Variants in PTPRC observed in about 807,000 individuals in gnomAD.
PTPRC encodes protein tyrosine phosphatase receptor type C.
PTPRC carries 44 observed loss-of-function variants against 155.9 expected under a neutral mutation model. The observed-to-expected ratio is 0.28, with a 90% CI of 0.22 to 0.36. PTPRC has a LOEUF of 0.36. Among genes scored for constraint, PTPRC ranks in the 10% least tolerant of loss-of-function variants. PTPRC has a pLI of 1.00. For synonymous variants in PTPRC, 525 were observed against 533.1 expected (o/e 0.98, Z 0.21); for missense variants, 1,401 against 1,564.6 (o/e 0.90, Z 1.76).
intron 2 of PTPRC, among the ~76,000 whole-genome samples, chr1:198,662,929 A>G (rs1473688836): frequency 6.6e-6 from 1 of 152,122 alleles, no homozygotes; most frequent in Non-Finnish European, 1.5e-5. Context: ...TCTGCAGTTG[A>G]TGTAACTGTG....
At chr1:198,694,605 A>C (rs966145603) in intron 3 of PTPRC, 1 of 986,044 alleles carries the variant, frequency 1.0e-6, no homozygotes, top group Admixed American at 6.1e-5. Flanking sequence ...CATTGGAAGC[A>C]GGCAGACACC....
Position 198,752,614 on chromosome 1 carries a change from G to C in PTPRC, c.3351G>C (p.Val1117=). The part of the protein sequence containing the change: ...RHSKRKDSRT[V]YQYQYTNWSV... ...TTTAGAGGAAAGACTCTCGAACTGT[G>C]TACCAGTACCAATATACAAACTGGA... Residue 1117 remains valine (V), a synonymous_variant, in exon 31 of 33, where the codon GTG becomes GTC. Transcript: ENST00000442510. The C allele has an allele frequency of 1.2e-6, 2 of 1,612,502 alleles. No individual in the cohort carries two copies. The highest frequency in any genetic ancestry group is 1.7e-6 in the Non-Finnish European group (2 of 1,179,096).
chr1:198,743,149 G>C (rs186822678), intron 25 of PTPRC, among the ~76,000 whole-genome samples: 1 of 150,118 alleles, frequency 6.7e-6, no homozygotes, highest in South Asian at 2.1e-4. Flanking sequence ...AGGGGAATAG[G>C]AAGACAAAAT....
At chr1:198,650,488 A>G (rs1031108633) in intron 2 of PTPRC, among the ~76,000 whole-genome samples, 2 of 151,862 alleles carry the variant, frequency 1.3e-5, no homozygotes, top group Non-Finnish European at 2.9e-5. Flanking sequence ...GGAAAAGACA[A>G]AGACATTTTA....
At chr1:198,692,251 C>T in intron 2 of PTPRC, 96 bp from the exon 3 acceptor site, 1 of 899,496 alleles carries the variant, frequency 1.1e-6, no homozygotes, top group Non-Finnish European at 1.6e-6. Context: ...AATGTTCTAT[C>T]ATAGACTTGA....
intron 15 of PTPRC, among the ~76,000 whole-genome samples, chr1:198,723,560 A>G (rs72738066): frequency 0.013 from 2,045 of 152,280 alleles, 23 homozygotes; most frequent in Non-Finnish European, 0.016. Context: ...TTTTTCTTTT[A>G]TAATATCTTT....
rs1665997426 is a variant in PTPRC at position 198,692,770 on chromosome 1, C to T, written c.100+397C>T. On this transcript the variant is annotated intron_variant, in intron 3 of 32. Coordinates refer to ENST00000442510, the MANE Select transcript of PTPRC (RefSeq NM_002838.5). ...TATAGATATGTAGATAACAGATTTGCATATGTCTATATTTCTTTAAGAGTA... is the reference window on the plus strand; with the variant it reads ...TATAGATATGTAGATAACAGATTTGTATATGTCTATATTTCTTTAAGAGTA... 3.3e-6 allele frequency: 3 copies of T among 918,104 alleles called. No individual in the cohort carries two copies. In the African/African-American group the frequency reaches 5.4e-5, roughly 17 times the overall value. The allele number at this position is 918,104 out of a possible 1,614,324, so 56.9% of individuals were successfully genotyped here.
At chr1:198,693,001 C>T in intron 3 of PTPRC, 3 of 936,020 alleles carry the variant, frequency 3.2e-6, no homozygotes, top group Non-Finnish European at 3.8e-6. Flanking sequence ...GGTTAAATAT[C>T]ACATCACTTA....
chr1:198,691,923 G>A (rs546306602), intron 2 of PTPRC, among the ~76,000 whole-genome samples: 2 of 152,116 alleles, frequency 1.3e-5, no homozygotes, highest in African/African-American at 4.8e-5. Context: ...TGAGGGCAGG[G>A]AATTTTTATA....
At position 198,683,488 on chromosome 1, in the gene PTPRC, T is replaced by C. The variant is rs945099760; in HGVS notation, c.74-8859T>C. Among the ~76,000 whole-genome samples the C allele has an allele frequency of 9.9e-5, 15 of 152,210 alleles. No homozygotes were observed. The East Asian group carries it at 2.9e-3, about 29-fold the overall frequency. On this transcript the variant is annotated intron_variant, in intron 2 of 32. Transcript: ENST00000442510. The stretch of plus-strand genomic sequence containing the variant: ...GATTTAGGTAAATGAAAACAGACAT[T>C]TTCATAAGAAGCAAAAAGATAATTA...
At chr1:198,745,776 G>T (rs767253332) in intron 26 of PTPRC, among the ~76,000 whole-genome samples, 1 of 151,626 alleles carries the variant, frequency 6.6e-6, no homozygotes, top group East Asian at 2.0e-4. Flanking sequence ...CGAGTTGAGG[G>T]TGTTTACAAA....
chr1:198,708,135 G>T lies in PTPRC; in HGVS notation c.907G>T (p.Val303Phe). 1 of 1,602,784 alleles carries T rather than the reference G, an allele frequency of 6.2e-7. No individual in the cohort carries two copies. Among genetic ancestry groups the T allele is most frequent in the Non-Finnish European group, 8.5e-7 (1 of 1,170,770 alleles). ...KTLILDVPPG[V>F]EKFQLHDCTQ... ...TTATTTCTGTATCTTCTTGTCAGGGGTTGAAAAGTTTCAGTTACATGATTG... is the reference window on the plus strand; with the variant it reads ...TTATTTCTGTATCTTCTTGTCAGGGTTTGAAAAGTTTCAGTTACATGATTG... The change falls in exon 10 of 33, where the codon GTT becomes TTT. Residue 303 changes from valine to phenylalanine, a missense_variant and splice_region_variant. Around this residue, in one of 3 missense-constraint regions of PTPRC, gnomAD observed 867 missense variants for 970.4 expected, o/e 0.89. Transcript: ENST00000442510.
Position 198,716,859 on chromosome 1 carries a change from T to A in PTPRC, c.1450+19T>A, listed in dbSNP as rs955182625. On this transcript the variant is annotated intron_variant, in intron 13 of 32. Coordinates refer to ENST00000442510, the MANE Select transcript of PTPRC (RefSeq NM_002838.5). Reference sequence around the variant, plus strand: ...AGTGCTCGTAAGTTATATGTTTTAATGCTTCTTTCCATAAATGGTAAAAAG... The same window carrying A: ...AGTGCTCGTAAGTTATATGTTTTAAAGCTTCTTTCCATAAATGGTAAAAAG... 1 of 1,611,054 alleles carries A rather than the reference T, an allele frequency of 6.2e-7. No individual in the cohort carries two copies. Among genetic ancestry groups the A allele is most frequent in the Non-Finnish European group, 8.5e-7 (1 of 1,178,244 alleles).
rs971810773 is a variant in PTPRC, at chr1:198,756,154, A to T, written c.3894A>T (p.Ala1298=). ...EGPEHSVNGP[A]SPALNQGS The stretch of plus-strand genomic sequence containing the variant: ...CAGAACATTCTGTCAATGGTCCTGC[A>T]AGTCCAGCTTTAAATCAAGGTTCAT... Residue 1298 remains alanine, a synonymous_variant, in exon 33 of 33, where the codon GCA becomes GCT. Transcript: ENST00000442510. The T allele has an allele frequency of 3.7e-5, 60 of 1,613,326 alleles. No homozygotes were observed. Among genetic ancestry groups the T allele is most frequent in the Non-Finnish European group, 4.9e-5 (58 of 1,179,604 alleles).
At chr1:198,645,088 G>T (rs1270190905) in intron 2 of PTPRC, among the ~76,000 whole-genome samples, 1 of 151,802 alleles carries the variant, frequency 6.6e-6, no homozygotes, top group Non-Finnish European at 1.5e-5. Flanking sequence ...TAATGTAGGA[G>T]TAGAAGGCAA....
chr1:198,746,696 G>T (rs1162986733), intron 26 of PTPRC, among the ~76,000 whole-genome samples: 1 of 151,812 alleles, frequency 6.6e-6, no homozygotes, highest in Non-Finnish European at 1.5e-5. Context: ...AACAGGTAGA[G>T]ATTTAAGAGT....
chr1:198,736,681 T>G (rs564835013), intron 23 of PTPRC, among the ~76,000 whole-genome samples: 1 of 151,846 alleles, frequency 6.6e-6, no homozygotes, highest in African/African-American at 2.4e-5. Context: ...ATCTACTGTT[T>G]CCTTTCTTTG....
At chr1:198,656,964 A>G (rs1402279369) in intron 2 of PTPRC, among the ~76,000 whole-genome samples, 1 of 151,614 alleles carries the variant, frequency 6.6e-6, no homozygotes, top group African/African-American at 2.4e-5. Flanking sequence ...TTAAAACGAA[A>G]TATCTACTTG....
chr1:198,735,190 G>A lies in PTPRC; in HGVS notation c.2341G>A (p.Val781Ile), dbSNP rs747600609. 3.1e-5 allele frequency: 49 copies of A among 1,604,300 alleles called. No individual in the cohort carries two copies. Among genetic ancestry groups the A allele is most frequent in the Non-Finnish European group, 3.9e-5 (46 of 1,173,956 alleles). Reference protein sequence around the residue: ...EGTRAFGDVVVKINQHKRCPD... With the variant: ...EGTRAFGDVVIKINQHKRCPD... ...CACTCGGGCTTTTGGAGATGTTGTT[G>A]TAAAGATCAACCAGCACAAAAGATG... Residue 781 changes from valine (V) to isoleucine (I), a missense_variant, in exon 23 of 33, where the codon GTA becomes ATA. Transcript: ENST00000442510.
Sources: gnomAD v4.1 joint callset for allele counts (sites outside exome capture counted in the v4.1 genomes callset) on GRCh38, gnomAD v4.1.1 for gene constraint, gnomAD v4.1.1 regional missense constraint, MANE v1.5 for transcripts, NCBI Gene and HGNC (gene_info 2026-07-23, HGNC 2026-07-21) for gene names.